The following ALPI variants were observed in gnomAD, a reference collection of about 807,000 sequenced individuals.
The protein encoded by ALPI is intestinal-type alkaline phosphatase.
ALPI carries 50 observed loss-of-function variants against 51.5 expected under a neutral mutation model. The observed-to-expected ratio is 0.97, with a 90% CI of 0.77 to 1.23. The LOEUF is 1.23. Ranked by LOEUF, ALPI falls within the 50% of genes most tolerant of loss-of-function variation. The pLI, the probability that ALPI is intolerant of heterozygous loss-of-function variation, is 0.00. For missense variants in ALPI, 692 were observed against 722.4 expected (o/e 0.96, Z 0.48); for synonymous variants, 322 against 308.2 (o/e 1.04, Z -0.47).
In ALPI at chr2:232,458,755, G is replaced by A. The variant is rs889955771; in HGVS notation, c.1300+7G>A. The A allele has an allele frequency of 2.5e-6, 4 of 1,613,722 alleles. No homozygotes were observed. The highest frequency in any genetic ancestry group is 3.4e-6 in the Non-Finnish European group (4 of 1,180,012). ...GTGAATGAGAGCGAGAGCGGTGAGT[G>A]AGGCTGAATGGCCCGTGCAGGGGGA... On this transcript the variant is annotated splice_region_variant and intron_variant, in intron 10 of 10. Transcript: ENST00000295463.
rs760471759 is a variant in ALPI at position 232,458,748 on chromosome 2, G to A, written c.1300G>A (p.Gly434Arg). ...ACCAGACGTGAATGAGAGCGAGAGC[G>A]GTGAGTGAGGCTGAATGGCCCGTGC... Reference protein sequence around the residue: ...VRPDVNESESGSPDYQQQAAV... With the variant: ...VRPDVNESESRSPDYQQQAAV... The change falls in exon 10 of 11, where the codon GGG becomes AGG. Residue 434 changes from glycine to arginine, a missense_variant and splice_region_variant. Gly to Arg is a moderately radical substitution (Grantham distance 125, BLOSUM62 -2). Coordinates refer to ENST00000295463, the MANE Select transcript of ALPI (RefSeq NM_001631.5). The A allele has an allele frequency of 3.7e-6, 6 of 1,613,782 alleles. No homozygotes were observed. The South Asian group carries it at 5.5e-5, about 15-fold the overall frequency.
chr2:232,456,932 G>A lies in ALPI; in HGVS notation c.334G>A (p.Ala112Thr), dbSNP rs371086927. 62 of 1,613,368 alleles carry A rather than the reference G, an allele frequency of 3.8e-5. No homozygotes were observed. The highest frequency in any genetic ancestry group is 4.9e-5 in the Non-Finnish European group (58 of 1,179,996). ...TGTGGACAGACAGGTGCCAGACAGC[G>A]CAGCCACAGCCACGGCCTACCTGTG... is the stretch of plus-strand genomic sequence containing the variant. ...YNVDRQVPDS[A>T]ATATAYLCGV... The change falls in exon 4 of 11, where the codon GCA (alanine) becomes ACA (threonine). Residue 112 changes from alanine (A) to threonine (T), a missense_variant. Coordinates refer to ENST00000295463, the MANE Select transcript of ALPI (RefSeq NM_001631.5). The surrounding 1 kb of genome is among the most constrained non-coding windows in gnomAD (Gnocchi z 4.2).
At position 232,457,059 on chromosome 2, in the gene ALPI, G is replaced by A. The variant is rs143514956; in HGVS notation, c.461G>A (p.Arg154Gln). The A allele has an allele frequency of 3.6e-4, 585 of 1,613,514 alleles. 2 individuals carry two copies. The highest frequency in any genetic ancestry group is 4.9e-4 in the Middle Eastern group (3 of 6,062). Residue 154 changes from arginine to glutamine, a missense_variant, in exon 4 of 11, where the codon CGG (arginine) becomes CAG (glutamine). Transcript: ENST00000295463. The surrounding 1 kb of genome is among the most constrained non-coding windows in gnomAD (Gnocchi z 4.7). ...AATGAGGTCATCTCCGTGATGAACC[G>A]GGCCAAGCAAGCAGGTGAGCTGGGG... ...RGNEVISVMN[R>Q]AKQAGKSVGV...
At position 232,458,960 on chromosome 2, in the gene ALPI, G is replaced by C. The variant is rs373643375; in HGVS notation, c.1401G>C (p.Leu467=). 32 of 1,596,430 alleles carry C rather than the reference G, an allele frequency of 2.0e-5. No homozygotes were observed. Among genetic ancestry groups the C allele is most frequent in the Non-Finnish European group, 2.7e-5 (32 of 1,172,074 alleles). ...AVFARGPQAH[L]VHGVQEQSFV... The stretch of plus-strand genomic sequence containing the variant: ...TTGCGCGCGGCCCGCAGGCGCACCT[G>C]GTGCATGGTGTGCAGGAGCAGAGCT... Residue 467 remains leucine, a synonymous_variant, in exon 11 of 11, where the codon CTG becomes CTC. Transcript: ENST00000295463.
rs1385459244 is a variant in ALPI, at chr2:232,456,580, G to T, written c.185G>T (p.Gly62Val). Residue 62 changes from glycine to valine, a missense_variant and splice_region_variant, in exon 3 of 11, where the codon GGG becomes GTG. Transcript: ENST00000295463. This position sits in a 1 kb window ranked among gnomAD's most constrained non-coding sequence, Gnocchi z 4.2. The stretch of plus-strand genomic sequence containing the variant: ...GACTCACACATTTCTGCTCCTTCAG[G>T]GTTGGGGGTGCCCACGGTGACAGCC... ...AKNLILFLGD[G>V]LGVPTVTATR... is the part of the protein sequence containing the mutation. 7 of 1,612,340 alleles carry T rather than the reference G, an allele frequency of 4.3e-6. No individual in the cohort carries two copies. Among genetic ancestry groups the T allele is most frequent in the Non-Finnish European group, 5.9e-6 (7 of 1,179,228 alleles).
At position 232,458,987 on chromosome 2, in the gene ALPI, C is replaced by T. The variant is rs1690254743; in HGVS notation, c.1428C>T (p.Phe476=). ...TGCATGGTGTGCAGGAGCAGAGCTTCGTAGCGCATGTCATGGCCTTCGCTG... is the reference window on the plus strand; with the variant it reads ...TGCATGGTGTGCAGGAGCAGAGCTTTGTAGCGCATGTCATGGCCTTCGCTG... The part of the protein sequence containing the change: ...HLVHGVQEQS[F]VAHVMAFAAC... The change falls in exon 11 of 11, where the codon TTC becomes TTT. Residue 476 remains phenylalanine (F), a synonymous_variant. Transcript: ENST00000295463. 1 of 1,583,248 alleles carries T rather than the reference C, an allele frequency of 6.3e-7. No homozygotes were observed. The highest frequency in any genetic ancestry group is 8.6e-7 in the Non-Finnish European group (1 of 1,165,258).
At position 232,458,222 on chromosome 2, in the gene ALPI, C is replaced by T. The variant is rs779862581; in HGVS notation, c.997C>T (p.Arg333Cys). The T allele has an allele frequency of 2.1e-5, 34 of 1,613,924 alleles. No homozygotes were observed. Among genetic ancestry groups the T allele is most frequent in the Middle Eastern group, 1.6e-4 (1 of 6,084 alleles). Reference sequence around the variant, plus strand: ...CCCCTCTGGCCTTCCTGCAGGCGGCCGCATCGACCATGGTCATCATGAGGG... The same window carrying T: ...CCCCTCTGGCCTTCCTGCAGGCGGCTGCATCGACCATGGTCATCATGAGGG... ...RGFYLFVEGGRIDHGHHEGVA... is the reference protein window; with the variant it reads ...RGFYLFVEGGCIDHGHHEGVA... The change falls in exon 9 of 11, where the codon CGC (arginine) becomes TGC (cysteine). Residue 333 changes from arginine (R) to cysteine (C), a missense_variant. Arg to Cys is a radical substitution (Grantham distance 180). Coordinates refer to ENST00000295463, the MANE Select transcript of ALPI (RefSeq NM_001631.5).
In ALPI at chr2:232,456,724, C is replaced by T. The variant is rs1373577372; in HGVS notation, c.300+29C>T. 1 of 1,570,440 alleles carries T rather than the reference C, an allele frequency of 6.4e-7. No individual in the cohort carries two copies. Among genetic ancestry groups the T allele is most frequent in the East Asian group, 2.3e-5 (1 of 43,028 alleles). ...AGGGCTGGGCCACCTCAGAGTCCTCCAAGCAGAGGAGAGGGATCAAGGATA... is the reference window on the plus strand; with the variant it reads ...AGGGCTGGGCCACCTCAGAGTCCTCTAAGCAGAGGAGAGGGATCAAGGATA... On this transcript the variant is annotated intron_variant, in intron 3 of 10. Transcript: ENST00000295463. This position sits in a 1 kb window ranked among gnomAD's most constrained non-coding sequence, Gnocchi z 4.2.
Position 232,457,619 on chromosome 2 carries a change from G to T in ALPI, c.703G>T (p.Glu235Ter). The change falls in exon 6 of 11, where the codon GAG becomes TAG. Residue 235 changes from glutamate (E) to a stop codon, truncating the protein, a stop_gained. Coordinates refer to ENST00000295463, the MANE Select transcript of ALPI (RefSeq NM_001631.5). LOFTEE classifies it high-confidence loss of function. This position sits in a 1 kb window ranked among gnomAD's most constrained non-coding sequence, Gnocchi z 4.7. ...GTTTCCCATGGGGACCCCAGACCCT[G>T]AGTACCCAGCTGATGCCAGCCAGAA... Reference protein sequence around the residue: ...YMFPMGTPDPEYPADASQNGI... With the variant: ...YMFPMGTPDP 2 of 1,614,056 alleles carry T rather than the reference G, an allele frequency of 1.2e-6. No homozygotes were observed. Among genetic ancestry groups the T allele is most frequent in the Non-Finnish European group, 1.7e-6 (2 of 1,179,948 alleles).
rs758418786 is a variant in ALPI, at chr2:232,458,620, A to T, written c.1184-12A>T. ...GGTCAGCTCAACTACAGGGACCCGC[A>T]TCTCCCTACAGGGTTGGCCCCCAGC... On this transcript the variant is annotated splice_polypyrimidine_tract_variant and intron_variant, in intron 9 of 10. Coordinates refer to ENST00000295463, the MANE Select transcript of ALPI (RefSeq NM_001631.5). 1.2e-6 allele frequency: 2 copies of T among 1,611,576 alleles called. No individual in the cohort carries two copies. Among genetic ancestry groups the T allele is most frequent in the East Asian group, 2.2e-5 (1 of 44,786 alleles).
Position 232,457,562 on chromosome 2 carries a change from C to T in ALPI, c.649-3C>T, listed in dbSNP as rs761027714. ...AACCACCTGCCCCATCCATTGTCCT[C>T]AGGTGATCCTTGGCGGAGGCCGCAA... is the stretch of plus-strand genomic sequence containing the variant. On this transcript the variant is annotated splice_region_variant and splice_polypyrimidine_tract_variant and intron_variant, in intron 5 of 10. Coordinates refer to ENST00000295463, the MANE Select transcript of ALPI (RefSeq NM_001631.5). The surrounding 1 kb of genome is among the most constrained non-coding windows in gnomAD (Gnocchi z 4.7). 2.2e-5 allele frequency: 35 copies of T among 1,606,482 alleles called. No homozygotes were observed. In the South Asian group the frequency reaches 3.8e-4, roughly 17 times the overall value.
chr2:232,458,288 G>A lies in ALPI; in HGVS notation c.1063G>A (p.Asp355Asn), dbSNP rs377070041. 2.8e-5 allele frequency: 45 copies of A among 1,614,024 alleles called. No homozygotes were observed. The highest frequency in any genetic ancestry group is 1.3e-4 in the South Asian group (12 of 91,084). Reference protein sequence around the residue: ...QALTEAVMFDDAIERAGQLTS... With the variant: ...QALTEAVMFDNAIERAGQLTS... ...ACTCACTGAGGCGGTCATGTTCGACGACGCCATTGAGAGGGCGGGCCAGCT... is the reference window on the plus strand; with the variant it reads ...ACTCACTGAGGCGGTCATGTTCGACAACGCCATTGAGAGGGCGGGCCAGCT... Residue 355 changes from aspartate (D) to asparagine (N), a missense_variant, in exon 9 of 11, where the codon GAC becomes AAC. Transcript: ENST00000295463.
In ALPI at chr2:232,456,802, C is replaced by G. The variant is rs2106409366; in HGVS notation, c.301-97C>G. ...GGACAGCTGGGGCCTAAGTTAGGAGCTGGGAGCAGTTAGGATCCCAGAGGA... is the reference window on the plus strand; with the variant it reads ...GGACAGCTGGGGCCTAAGTTAGGAGGTGGGAGCAGTTAGGATCCCAGAGGA... On this transcript the variant is annotated intron_variant, in intron 3 of 10. Coordinates refer to ENST00000295463, the MANE Select transcript of ALPI (RefSeq NM_001631.5). The surrounding 1 kb of genome is among the most constrained non-coding windows in gnomAD (Gnocchi z 4.2). 3 of 1,561,092 alleles carry G rather than the reference C, an allele frequency of 1.9e-6. No individual in the cohort carries two copies. In the South Asian group the frequency reaches 3.6e-5, roughly 19 times the overall value.
At position 232,456,491 on chromosome 2, in the gene ALPI, C is replaced by T. The variant is rs1690187604; in HGVS notation, c.184+26C>T. On this transcript the variant is annotated intron_variant, in intron 2 of 10. Transcript: ENST00000295463. The surrounding 1 kb of genome is among the most constrained non-coding windows in gnomAD (Gnocchi z 4.2). ...GTGAGTGAGCAAGGCCTGTCCAGCC[C>T]CGTAGTCCTCACAGCCCCGGCACCC... is the stretch of plus-strand genomic sequence containing the variant. The T allele has an allele frequency of 6.2e-7, 1 of 1,613,270 alleles. No homozygotes were observed. The highest frequency in any genetic ancestry group is 1.3e-5 in the African/African-American group (1 of 74,868).
chr2:232,457,322 C>A lies in ALPI; in HGVS notation c.648C>A (p.Asp216Glu). The part of the protein sequence containing the change: ...ATQLISNMDI[D>E]VILGGGRKYM... ...AGCTCATCTCCAACATGGACATTGA[C>A]GTGCGACCCCCGGGCCAAGGGCTGG... Residue 216 changes from aspartate to glutamate, a missense_variant and splice_region_variant, in exon 5 of 11, where the codon GAC becomes GAA. Transcript: ENST00000295463. The surrounding 1 kb of genome is among the most constrained non-coding windows in gnomAD (Gnocchi z 4.7). The A allele has an allele frequency of 6.2e-7, 1 of 1,601,562 alleles. No individual in the cohort carries two copies. Among genetic ancestry groups the A allele is most frequent in the Non-Finnish European group, 8.5e-7 (1 of 1,173,642 alleles).
At chr2:232,458,820 G>A (rs1425398191) in intron 10 of ALPI, 40 bp from the exon 11 acceptor site, 3 of 1,607,678 alleles carry the variant, frequency 1.9e-6, no homozygotes, top group African/African-American at 1.3e-5. Flanking sequence ...GGAGGGGGAC[G>A]CCGCCTGCCT....
rs1006999120 is a variant in ALPI at position 232,458,779 on chromosome 2, G to T, written c.1300+31G>T. On this transcript the variant is annotated intron_variant, in intron 10 of 10. Coordinates refer to ENST00000295463, the MANE Select transcript of ALPI (RefSeq NM_001631.5). The stretch of plus-strand genomic sequence containing the variant: ...TGAGGCTGAATGGCCCGTGCAGGGG[G>T]ACCAGGGTGCCAGGGATGGGGGCAT... 5 of 1,612,828 alleles carry T rather than the reference G, an allele frequency of 3.1e-6. No homozygotes were observed. The South Asian group carries it at 4.4e-5, about 14-fold the overall frequency.
Position 232,457,670 on chromosome 2 carries a change from C to A in ALPI, c.754C>A (p.Leu252Met), listed in dbSNP as rs759176560. 3 of 1,613,716 alleles carry A rather than the reference C, an allele frequency of 1.9e-6. No individual in the cohort carries two copies. The East Asian group carries it at 6.7e-5, about 36-fold the overall frequency. ...QNGIRLDGKN[L>M]VQEWLAKHQG... ...TGGAATCAGGCTGGACGGGAAGAAC[C>A]TGGTGCAGGAATGGCTGGCAAAGCA... is the stretch of plus-strand genomic sequence containing the variant. The change falls in exon 6 of 11, where the codon CTG becomes ATG. Residue 252 changes from leucine to methionine, a missense_variant. Transcript: ENST00000295463. This position sits in a 1 kb window ranked among gnomAD's most constrained non-coding sequence, Gnocchi z 4.7.
rs1575067625 is a variant in ALPI, at chr2:232,456,166, C to T, written c.-34C>T. On this transcript the variant is annotated 5_prime_UTR_variant, in exon 1 of 11. Coordinates refer to ENST00000295463, the MANE Select transcript of ALPI (RefSeq NM_001631.5). This position sits in a 1 kb window ranked among gnomAD's most constrained non-coding sequence, Gnocchi z 4.2. ...CTGCGCTGCAGCCGGTTCCTGGTGTCCCCACTTCGCCTCCCTCCTGCTGCC... is the reference window on the plus strand; with the variant it reads ...CTGCGCTGCAGCCGGTTCCTGGTGTTCCCACTTCGCCTCCCTCCTGCTGCC... The T allele has an allele frequency of 6.2e-7, 1 of 1,611,220 alleles. No homozygotes were observed. The highest frequency in any genetic ancestry group is 2.2e-5 in the East Asian group (1 of 44,848).
Sources: gnomAD v4.1 joint callset for allele counts on GRCh38, gnomAD v4.1.1 for gene constraint, Gnocchi (gnomAD v3.1) non-coding constraint, MANE v1.5 for transcripts, NCBI Gene and HGNC (gene_info 2026-07-23, HGNC 2026-07-21) for gene names.